Variants in MYO1F observed in about 807,000 individuals in gnomAD.
MYO1F encodes the protein myosin IF, also known as unconventional myosin-If.
Under a neutral mutation model 146.6 loss-of-function variants are expected in MYO1F, and 60 were observed. That is an observed-to-expected ratio of 0.41 (90% confidence interval 0.33 to 0.51). MYO1F has a LOEUF of 0.51. MYO1F is among the 20% of genes least tolerant of loss of function. MYO1F has a pLI of 0.25. For missense variants in MYO1F, 1,274 were observed against 1,534.3 expected, an observed-to-expected ratio of 0.83 and a Z score of 2.83; for synonymous variants, 602 against 602.1, an observed-to-expected ratio of 1.00 and a Z score of 0.00.
intron 8 of MYO1F, 96 bp from the exon 9 acceptor site, chr19:8,550,790 G>A (rs1973571908): frequency 6.4e-7 from 1 of 1,557,824 alleles, no homozygotes; most frequent in Non-Finnish European, 8.8e-7. Flanking sequence ...GACTCAGGGA[G>A]TGAGCACCCT....
intron 1 of MYO1F, among the ~76,000 whole-genome samples, chr19:8,562,917 C>T (rs1196090108): frequency 3.9e-5 from 6 of 152,164 alleles, no homozygotes; most frequent in Admixed American, 1.3e-4. Context: ...GACTGTCATA[C>T]TTGTTTACAG....
At chr19:8,556,647 G>C (rs1315688978) in intron 1 of MYO1F, among the ~76,000 whole-genome samples, 1 of 151,990 alleles carries the variant, frequency 6.6e-6, no homozygotes, top group African/African-American at 2.4e-5. Context: ...CAGCACTTTG[G>C]GAGGCCAAGA....
chr19:8,573,016 C>G (rs1171124735), intron 1 of MYO1F, among the ~76,000 whole-genome samples: 1 of 152,198 alleles, frequency 6.6e-6, no homozygotes, highest in African/African-American at 2.4e-5. Context: ...ACCTTAGAAA[C>G]AATCACTATT....
chr19:8,548,187 T>A (rs1599975931), intron 11 of MYO1F, 50 bp downstream of exon 11: 1 of 1,613,146 alleles, frequency 6.2e-7, no homozygotes, highest in Non-Finnish European at 8.5e-7. Flanking sequence ...GTGGCCACCC[T>A]GGGCTGCCCC....
At position 8,571,658 on chromosome 19, in the gene MYO1F, C is replaced by T. The variant is rs1172426942; in HGVS notation, c.3+5649G>A. Among the ~76,000 whole-genome samples the T allele has an allele frequency of 6.6e-5, 10 of 151,728 alleles. No homozygotes were observed. In the East Asian group the frequency reaches 9.7e-4, roughly 15 times the overall value. On this transcript the variant is annotated intron_variant, in intron 1 of 27. Transcript: ENST00000644032. ...TCTCACCCAGGCTGGAGTGCAGTGG[C>T]GCCATCTCGGCTCACTGCAAGCTCT...
chr19:8,527,633 G>T, intron 21 of MYO1F, 150 bp from the exon 22 acceptor site: 1 of 972,526 alleles, frequency 1.0e-6, no homozygotes, highest in Non-Finnish European at 1.5e-6. Flanking sequence ...CTGTTTTGTA[G>T]ACAGGGTCTC....
Position 8,530,387 on chromosome 19 carries a change from G to A in MYO1F, c.2159-22C>T. 6.2e-7 allele frequency: 1 copy of A among 1,613,974 alleles called. No homozygotes were observed. The highest frequency in any genetic ancestry group is 8.5e-7 in the Non-Finnish European group (1 of 1,180,008). On this transcript the variant is annotated intron_variant, in intron 20 of 27. Transcript: ENST00000644032. The surrounding 1 kb of genome is among the most constrained non-coding windows in gnomAD (Gnocchi z 5.8). Reference sequence around the variant, plus strand: ...GAAGCTGCGGGGACAGAGGGTGGAGGGCAGAGCTCCTGATACAGCTCCTCC... The same window carrying A: ...GAAGCTGCGGGGACAGAGGGTGGAGAGCAGAGCTCCTGATACAGCTCCTCC...
At chr19:8,534,177 T>TAA (rs376071903) in intron 19 of MYO1F, among the ~76,000 whole-genome samples, 20 of 134,166 alleles carry the variant, frequency 1.5e-4, no homozygotes, top group African/African-American at 2.7e-4. Flanking sequence ...AGACTCTGTC[T>TAA]AAAAAAAAAA....
At position 8,530,273 on chromosome 19, in the gene MYO1F, C is replaced by T. The variant is rs996910823; in HGVS notation, c.2251G>A (p.Glu751Lys). The change falls in exon 21 of 28, where the codon GAG becomes AAG. Residue 751 changes from glutamate to lysine, a missense_variant. By Grantham distance (56) the Glu-to-Lys change is moderately conservative. This residue lies in a region of MYO1F where 900 missense variants were observed against 1,155.1 expected (regional missense o/e 0.78). Transcript: ENST00000644032. This position sits in a 1 kb window ranked among gnomAD's most constrained non-coding sequence, Gnocchi z 5.8. Reference sequence around the variant, plus strand: ...CTCTTGCCCAGGAACTGACGCAGCTCGGGCCGCTCCTCCAGCCCCAGGTAG... The same window carrying T: ...CTCTTGCCCAGGAACTGACGCAGCTTGGGCCGCTCCTCCAGCCCCAGGTAG... ...GDYLGLEERP[E>K]LRQFLGKRER... 31 of 1,614,000 alleles carry T rather than the reference C, an allele frequency of 1.9e-5. No individual in the cohort carries two copies. The highest frequency in any genetic ancestry group is 2.3e-5 in the Non-Finnish European group (27 of 1,180,024).
In MYO1F at chr19:8,541,938, G is replaced by A. The variant is rs773051503; in HGVS notation, c.1578C>T (p.Ser526=). The change falls in exon 15 of 28, where the codon TCC becomes TCT. Residue 526 remains serine, a synonymous_variant. Transcript: ENST00000644032. ...FCERNRDVLF[S]DLIELMQTSE... ...TGGTCTGCATCAGCTCTATGAGGTC[G>A]GAGAAGAGAACGTCTCGGTTCCTCT... is the stretch of plus-strand genomic sequence containing the variant. 54 of 1,613,608 alleles carry A rather than the reference G, an allele frequency of 3.3e-5. 1 individual carries two copies. The highest frequency in any genetic ancestry group is 2.0e-4 in the South Asian group (18 of 91,076).
At chr19:8,525,794 T>C (rs1343387407) in intron 24 of MYO1F, among the ~76,000 whole-genome samples, 1 of 152,138 alleles carries the variant, frequency 6.6e-6, no homozygotes, top group Non-Finnish European at 1.5e-5. Flanking sequence ...GGTCACTCCT[T>C]CATCACTACC....
intron 4 of MYO1F, 149 bp downstream of exon 4, chr19:8,554,328 G>A (rs1273922500): frequency 7.8e-6 from 6 of 772,394 alleles, no homozygotes; most frequent in Non-Finnish European, 1.4e-5. Context: ...GAGTCAGATG[G>A]TGACAAGGAA....
chr19:8,550,809 TGTC>T, intron 8 of MYO1F, 115 bp from the exon 9 acceptor site: 1 of 1,407,702 alleles, frequency 7.1e-7, no homozygotes. Context: ...CTTGGGTCCC[TGTC>T]CTACCCCTTT....
rs183138947 is a variant in MYO1F, at chr19:8,549,819, G to A, written c.1101+341C>T. The A allele has an allele frequency of 8.4e-3, 2,891 of 345,558 alleles. 20 individuals carry two copies. The highest frequency in any genetic ancestry group is 0.013 in the Non-Finnish European group (2,442 of 183,506). The allele number at this position is 345,558 out of a possible 1,614,324, so 21.4% of individuals were successfully genotyped here. A position where few individuals can be genotyped will look rare whatever the true frequency, so the allele number is the denominator to read the frequency against. On this transcript the variant is annotated intron_variant, in intron 10 of 27. Transcript: ENST00000644032. ...TGCATCTGGCCAAAAGTTTTTTTTA[G>A]AGACAGGGTCTTGCTCTGTCACCCA...
chr19:8,560,884 G>A (rs1055311029), intron 1 of MYO1F, among the ~76,000 whole-genome samples: 21 of 151,856 alleles, frequency 1.4e-4, no homozygotes, highest in Non-Finnish European at 2.2e-4. Flanking sequence ...GACTACAGGC[G>A]CCCGCCACCA....
rs781097652 is a variant in MYO1F, at chr19:8,551,986, G to A, written c.636+47C>T. On this transcript the variant is annotated intron_variant, in intron 7 of 27. Coordinates refer to ENST00000644032, the MANE Select transcript of MYO1F (RefSeq NM_012335.4). The stretch of plus-strand genomic sequence containing the variant: ...TGTTTACCTTCCCATTGTCCACCCC[G>A]CTGGGCTCCAGGTGGTGCTCCCTCT... 7 of 1,613,582 alleles carry A rather than the reference G, an allele frequency of 4.3e-6. No individual in the cohort carries two copies. The East Asian group carries it at 6.7e-5, about 15-fold the overall frequency.
chr19:8,541,974 G>T lies in MYO1F; in HGVS notation c.1542C>A (p.Ser514Arg), dbSNP rs1031612510. 5.0e-6 allele frequency: 8 copies of T among 1,613,214 alleles called. No homozygotes were observed. Among genetic ancestry groups the T allele is most frequent in the Middle Eastern group, 1.6e-4 (1 of 6,084 alleles). ...HYAGKVSYDV[S>R]GFCERNRDVL... Reference sequence around the variant, plus strand: ...CGTCTCGGTTCCTCTCGCAGAAGCCGCTGACGTCGTAGGAGACCTGGAGGG... The same window carrying T: ...CGTCTCGGTTCCTCTCGCAGAAGCCTCTGACGTCGTAGGAGACCTGGAGGG... The change falls in exon 15 of 28, where the codon AGC (serine) becomes AGA (arginine). Residue 514 changes from serine (S) to arginine (R), a missense_variant. By Grantham distance (110) the Ser-to-Arg change is moderately radical. Transcript: ENST00000644032.
At chr19:8,554,331 A>G in intron 4 of MYO1F, 146 bp downstream of exon 4, 1 of 778,548 alleles carries the variant, frequency 1.3e-6, no homozygotes, top group Non-Finnish European at 2.3e-6. Flanking sequence ...TCAGATGGTG[A>G]CAAGGAAAAT....
intron 4 of MYO1F, 80 bp from the exon 5 acceptor site, chr19:8,553,517 C>T: frequency 8.8e-7 from 1 of 1,140,086 alleles, no homozygotes; most frequent in East Asian, 2.3e-5. Flanking sequence ...TCATTGAGCA[C>T]CTACTGTGTG....
Sources: allele counts gnomAD v4.1 joint callset (sites outside exome capture counted in the v4.1 genomes callset), GRCh38; gene constraint gnomAD v4.1.1; regional missense constraint gnomAD v4.1.1; non-coding constraint Gnocchi (gnomAD v3.1); transcripts MANE v1.5; gene names NCBI Gene and HGNC (gene_info 2026-07-23, HGNC 2026-07-21).